Variants in TRRAP observed in about 807,000 individuals in gnomAD.
TRRAP encodes the protein transformation/transcription domain-associated protein.
In TRRAP, 41 loss-of-function variants were observed where a neutral mutation model predicts 438.8. The observed-to-expected ratio is 0.09, with a 90% CI of 0.07 to 0.12. The LOEUF is 0.12. Ranked by LOEUF, TRRAP falls within the 10% of genes least tolerant of loss-of-function variation. The pLI, the probability that TRRAP is intolerant of heterozygous loss-of-function variation, is 1.00. For synonymous variants in TRRAP, 1,994 were observed against 1,962.9 expected (o/e 1.02, Z -0.42); for missense variants, 3,122 against 5,055.1 (o/e 0.62, Z 11.60).
chr7:98,941,604 A>C (rs1200548960), intron 30 of TRRAP, among the ~76,000 whole-genome samples: 1 of 152,030 alleles, frequency 6.6e-6, no homozygotes, highest in African/African-American at 2.4e-5. Context: ...TAATTCTGTT[A>C]CTCTCATTTA....
chr7:98,967,170 C>A lies in TRRAP; in HGVS notation c.7298+8C>A. 3 of 1,612,150 alleles carry A rather than the reference C, an allele frequency of 1.9e-6. No homozygotes were observed. The highest frequency in any genetic ancestry group is 2.5e-6 in the Non-Finnish European group (3 of 1,179,224). On this transcript the variant is annotated splice_region_variant and intron_variant, in intron 50 of 72. Coordinates refer to ENST00000456197, the MANE Select transcript of TRRAP (RefSeq NM_001375524.1). Reference sequence around the variant, plus strand: ...TGTTAACTATGTCTACAGGTAATTACAGCAATTAATCAAGTACTACATATA... The same window carrying A: ...TGTTAACTATGTCTACAGGTAATTAAAGCAATTAATCAAGTACTACATATA...
chr7:98,890,308 T>A, intron 3 of TRRAP, 27 bp from the exon 4 acceptor site: 1 of 1,400,108 alleles, frequency 7.1e-7, no homozygotes, highest in Non-Finnish European at 9.7e-7. Context: ...CATAACTGAA[T>A]GGGGTCTTTT....
intron 47 of TRRAP, 30 bp from the exon 48 acceptor site, chr7:98,964,599 G>C: frequency 6.2e-7 from 1 of 1,601,866 alleles, no homozygotes; most frequent in South Asian, 1.1e-5. Flanking sequence ...TTACTTTTCT[G>C]TGAAACACTT....
Position 98,956,611 on chromosome 7 carries a change from G to C in TRRAP, c.6231+78G>C. ...CGTTTATTCCCTATATTTAGAATGTGAGCTCGGTGCTCAGCTGCATTCAGG... is the reference window on the plus strand; with the variant it reads ...CGTTTATTCCCTATATTTAGAATGTCAGCTCGGTGCTCAGCTGCATTCAGG... On this transcript the variant is annotated intron_variant, in intron 43 of 72. Transcript: ENST00000456197. This position sits in a 1 kb window ranked among gnomAD's most constrained non-coding sequence, Gnocchi z 4.5. 1 of 1,542,512 alleles carries C rather than the reference G, an allele frequency of 6.5e-7. No individual in the cohort carries two copies. Among genetic ancestry groups the C allele is most frequent in the Non-Finnish European group, 8.7e-7 (1 of 1,148,914 alleles).
intron 3 of TRRAP, among the ~76,000 whole-genome samples, chr7:98,889,676 T>C (rs1548624): frequency 0.7 from 106,335 of 151,724 alleles, 41,769 homozygotes; most frequent in South Asian, 0.88. Flanking sequence ...GCCCTCTGAG[T>C]AGCTAAGACC....
intron 43 of TRRAP, 87 bp from the exon 44 acceptor site, chr7:98,957,894 A>G (rs1184841096): frequency 9.8e-6 from 11 of 1,118,586 alleles, no homozygotes; most frequent in Non-Finnish European, 1.3e-5. Context: ...GAGGTACCGC[A>G]TACCCATTAG....
chr7:98,899,015 G>A (rs530379648), intron 8 of TRRAP, among the ~76,000 whole-genome samples: 2 of 151,942 alleles, frequency 1.3e-5, no homozygotes, highest in African/African-American at 2.4e-5. Context: ...TGGCAAAACC[G>A]CATCTCTACT....
intron 69 of TRRAP, among the ~76,000 whole-genome samples, chr7:99,007,635 C>A (rs1448857968): frequency 6.6e-6 from 1 of 151,780 alleles, no homozygotes; most frequent in Non-Finnish European, 1.5e-5. Context: ...AGGCGTGAGC[C>A]ACCATGGCCA....
intron 53 of TRRAP, among the ~76,000 whole-genome samples, chr7:98,975,341 G>A (rs1792608207): frequency 6.6e-6 from 1 of 152,246 alleles, no homozygotes; most frequent in South Asian, 2.1e-4. Context: ...CACCGTGCCA[G>A]GGCAGCAGGG....
intron 25 of TRRAP, 78 bp from the exon 26 acceptor site, chr7:98,931,327 C>A: frequency 6.4e-7 from 1 of 1,559,068 alleles, no homozygotes; most frequent in South Asian, 1.2e-5. Context: ...GTCTTTATGG[C>A]AGACAGGTGT....
rs374486230 is a variant in TRRAP, at chr7:98,955,094, T to G, written c.5731-4T>G. On this transcript the variant is annotated splice_polypyrimidine_tract_variant and splice_region_variant and intron_variant, in intron 40 of 72. Transcript: ENST00000456197. ...CCTCCATAAACGTCTCTTCCCTGTT[T>G]TAGGTTTTTCATAGTCTCCTCAAGG... The G allele has an allele frequency of 6.8e-6, 11 of 1,610,290 alleles. No homozygotes were observed. Among genetic ancestry groups the G allele is most frequent in the Non-Finnish European group, 9.3e-6 (11 of 1,176,994 alleles).
In TRRAP at chr7:99,005,208, A is replaced by G. The variant is rs1383224255; in HGVS notation, c.10613A>G (p.Lys3538Arg). The G allele has an allele frequency of 1.2e-5, 20 of 1,614,166 alleles. No individual in the cohort carries two copies. Among genetic ancestry groups the G allele is most frequent in the Admixed American group, 1.7e-5 (1 of 60,026 alleles). ...RRLYIRGHNG[K>R]IYPYLVMNDA... ...CTGTACATCCGGGGACACAATGGCAAGATCTACCCATACCTCGTCATGAAC... is the reference window on the plus strand; with the variant it reads ...CTGTACATCCGGGGACACAATGGCAGGATCTACCCATACCTCGTCATGAAC... Residue 3538 changes from lysine to arginine, a missense_variant, in exon 69 of 73, where the codon AAG (lysine) becomes AGG (arginine). Coordinates refer to ENST00000456197, the MANE Select transcript of TRRAP (RefSeq NM_001375524.1). The surrounding 1 kb of genome is among the most constrained non-coding windows in gnomAD (Gnocchi z 5.1).
At position 99,011,506 on chromosome 7, in the gene TRRAP, GC is replaced by G; in HGVS notation, c.11311del (p.Arg3771GlyfsTer14). ...GPLTASMIAV[A>X]RCFAQPNFKV... ...GTTGACAGCGTCCATGATTGCGGTC[GC>G]CCGGTGCTTCGCCCAGCCAAACTTT... On this transcript the variant is annotated frameshift_variant, in exon 72 of 73. Transcript: ENST00000456197. LOFTEE classifies it high-confidence loss of function. This position sits in a 1 kb window ranked among gnomAD's most constrained non-coding sequence, Gnocchi z 7.1. The G allele has an allele frequency of 6.2e-7, 1 of 1,614,048 alleles. No homozygotes were observed.
At chr7:98,967,374 G>T in intron 50 of TRRAP, 111 bp from the exon 51 acceptor site, 1 of 1,364,112 alleles carries the variant, frequency 7.3e-7, no homozygotes. Context: ...CATACTCTTG[G>T]TTTTCATAGT....
At chr7:98,999,118 G>A (rs1254883754) in intron 67 of TRRAP, 24 of 1,533,302 alleles carry the variant, frequency 1.6e-5, no homozygotes, top group Admixed American at 1.3e-4. Context: ...AGTGGCCACC[G>A]AAGGGCACTT....
intron 22 of TRRAP, among the ~76,000 whole-genome samples, chr7:98,925,689 C>T (rs1351284797): frequency 6.6e-6 from 1 of 152,246 alleles, no homozygotes; most frequent in Non-Finnish European, 1.5e-5. Flanking sequence ...CCTCTTGAGA[C>T]TGTGCATGAC....
intron 30 of TRRAP, among the ~76,000 whole-genome samples, chr7:98,940,288 A>C (rs1018730570): frequency 9.9e-5 from 15 of 152,148 alleles, no homozygotes; most frequent in Non-Finnish European, 2.1e-4. Context: ...ACCTGGGCTC[A>C]AGTGATTCTC....
intron 47 of TRRAP, among the ~76,000 whole-genome samples, chr7:98,964,205 A>G (rs1792053023): frequency 6.6e-6 from 1 of 151,958 alleles, no homozygotes; most frequent in Non-Finnish European, 1.5e-5. Flanking sequence ...ATTTTTATTG[A>G]TCTTAGGCTG....
rs1382572817 is a variant in TRRAP at position 98,912,036 on chromosome 7, C to T, written c.2022C>T (p.Ser674=). 6.2e-7 allele frequency: 1 copy of T among 1,612,414 alleles called. No individual in the cohort carries two copies. The highest frequency in any genetic ancestry group is 1.3e-5 in the African/African-American group (1 of 74,860). The part of the protein sequence containing the change: ...KNYALQIVAN[S]FLANPTTSAL... ...TGTATTGACAGATTGTTGCCAATTC[C>T]TTCTTGGCAAATCCTACTACCTCTG... Residue 674 remains serine, a synonymous_variant, in exon 18 of 73, where the codon TCC becomes TCT. Transcript: ENST00000456197.
Sources: gnomAD v4.1 joint callset for allele counts (sites outside exome capture counted in the v4.1 genomes callset) on GRCh38, gnomAD v4.1.1 for gene constraint, Gnocchi (gnomAD v3.1) non-coding constraint, MANE v1.5 for transcripts, NCBI Gene and HGNC (gene_info 2026-07-23, HGNC 2026-07-21) for gene names.